Variants in NEDD4L observed in about 807,000 individuals in gnomAD.
The protein encoded by NEDD4L is NEDD4 like E3 ubiquitin protein ligase.
Under a neutral mutation model 148.9 loss-of-function variants are expected in NEDD4L, and 54 were observed. The ratio of observed to expected loss-of-function variants is 0.36; its 90% CI spans 0.29 to 0.45. NEDD4L has a LOEUF of 0.45. NEDD4L is among the 20% of genes least tolerant of loss of function. The pLI is 1.00. For synonymous variants in NEDD4L, 433 were observed against 440.7 expected (o/e 0.98, Z 0.22); for missense variants, 856 against 1,233.8 (o/e 0.69, Z 4.59).
intron 1 of NEDD4L, among the ~76,000 whole-genome samples, chr18:58,049,166 A>G (rs924268695): frequency 6.6e-6 from 1 of 152,206 alleles, no homozygotes; most frequent in Admixed American, 6.5e-5. Context: ...ATCCCCAATC[A>G]TTCAGTACTT....
chr18:58,285,067 C>T (rs1000899128), intron 5 of NEDD4L, among the ~76,000 whole-genome samples: 6 of 152,194 alleles, frequency 3.9e-5, no homozygotes, highest in Admixed American at 1.3e-4. Context: ...TAGATGCTTC[C>T]AGCAAAGGAT....
chr18:58,206,759 T>A (rs558426487), intron 2 of NEDD4L, among the ~76,000 whole-genome samples: 84 of 152,194 alleles, frequency 5.5e-4, no homozygotes, highest in Non-Finnish European at 1.1e-3. Flanking sequence ...TTGGAGGCAT[T>A]TAAGTGTGTG....
At chr18:58,314,553 CATT>C (rs1436622809) in intron 5 of NEDD4L, 1 of 152,336 alleles carries the variant, frequency 6.6e-6, no homozygotes, top group African/African-American at 2.4e-5. Flanking sequence ...GCAAGGCTGT[CATT>C]ATTCTCAAGG....
intron 24 of NEDD4L, among the ~76,000 whole-genome samples, chr18:58,381,316 G>A (rs56761990): frequency 0.029 from 4,447 of 152,218 alleles, 192 homozygotes; most frequent in African/African-American, 0.1. Flanking sequence ...ATCCCTGGGC[G>A]CTGCTTTTGG....
intron 5 of NEDD4L, among the ~76,000 whole-genome samples, chr18:58,302,803 G>A (rs924966939): frequency 1.3e-5 from 2 of 152,218 alleles, no homozygotes; most frequent in Admixed American, 1.3e-4. Context: ...GCAAGCAACA[G>A]TACCCAAGGC....
In NEDD4L at chr18:58,230,414, C is replaced by CTTT. The variant is rs66531634; in HGVS notation, c.123-15011_123-15010insTTT. On this transcript the variant is annotated intron_variant, in intron 2 of 30. Coordinates refer to ENST00000400345, the MANE Select transcript of NEDD4L (RefSeq NM_001144967.3). ...GGAAGTGAGGTTCACTGTGAAGCTT[C>CTTT]TTCTTTTTTTTTTTTTAATCATTTT... 1.8e-3 allele frequency among the ~76,000 whole-genome samples: 258 copies of CTTT among 146,192 alleles called. 5 individuals carry two copies. In the Middle Eastern group the frequency reaches 0.024, roughly 14 times the overall value.
At chr18:58,326,334 C>T (rs1303846982) in intron 9 of NEDD4L, among the ~76,000 whole-genome samples, 2 of 152,186 alleles carry the variant, frequency 1.3e-5, no homozygotes, top group Non-Finnish European at 2.9e-5. Context: ...GGCATTAGCT[C>T]AGGACAGCAA....
At chr18:58,084,680 T>G (rs1031183691) in intron 1 of NEDD4L, among the ~76,000 whole-genome samples, 2 of 149,290 alleles carry the variant, frequency 1.3e-5, no homozygotes, top group Admixed American at 6.7e-5. Flanking sequence ...TTTGTGTGTG[T>G]GTGTGTGTGT....
At chr18:58,388,634 T>C (rs972167733) in intron 27 of NEDD4L, 2 of 156,948 alleles carry the variant, frequency 1.3e-5, no homozygotes, top group African/African-American at 4.8e-5. Flanking sequence ...AGGTGATTTG[T>C]CATCACTGGA....
chr18:58,390,778 G>C (rs1232229199), intron 29 of NEDD4L, 36 bp downstream of exon 29: 1 of 1,471,836 alleles, frequency 6.8e-7, no homozygotes, highest in Non-Finnish European at 9.3e-7. Flanking sequence ...TTGTCCTCCT[G>C]GGAATTTCCA....
intron 1 of NEDD4L, among the ~76,000 whole-genome samples, chr18:58,060,448 G>A (rs915139844): frequency 1.3e-5 from 2 of 152,104 alleles, no homozygotes; most frequent in Non-Finnish European, 2.9e-5. Context: ...ATGCAGCTTT[G>A]GGGAGATTGG....
intron 21 of NEDD4L, chr18:58,367,332 A>G (rs937194857): frequency 6.0e-6 from 1 of 165,962 alleles, no homozygotes; most frequent in Non-Finnish European, 1.3e-5. Context: ...CATAGCAAAC[A>G]TCTTATGGCC....
At chr18:58,115,567 G>A (rs2085764390) in intron 1 of NEDD4L, among the ~76,000 whole-genome samples, 1 of 152,154 alleles carries the variant, frequency 6.6e-6, no homozygotes, top group Non-Finnish European at 1.5e-5. Flanking sequence ...CAGAACTCTG[G>A]TGGGGAAGGA....
intron 15 of NEDD4L, among the ~76,000 whole-genome samples, chr18:58,342,672 T>C (rs2042585609): frequency 6.6e-6 from 1 of 152,248 alleles, no homozygotes; most frequent in Non-Finnish European, 1.5e-5. Context: ...TGGTACATAC[T>C]GAGTAGCTAC....
At chr18:58,195,428 G>T (rs1254259508) in intron 2 of NEDD4L, 2 of 1,309,282 alleles carry the variant, frequency 1.5e-6, no homozygotes, top group East Asian at 9.6e-5. Context: ...CTCCCGATTC[G>T]AGAGAGGCAG....
intron 19 of NEDD4L, among the ~76,000 whole-genome samples, chr18:58,362,405 G>T (rs769241672): frequency 6.6e-6 from 1 of 152,202 alleles, no homozygotes; most frequent in Admixed American, 6.5e-5. Context: ...GCTGAGTCAC[G>T]TTTGTTCATC....
chr18:58,351,544 G>T (rs1039094931), intron 18 of NEDD4L, among the ~76,000 whole-genome samples: 1 of 152,114 alleles, frequency 6.6e-6, no homozygotes, highest in African/African-American at 2.4e-5. Flanking sequence ...GTATTTTCTG[G>T]AAATTGTAGT....
At chr18:58,225,548 G>C (rs1018987197) in intron 2 of NEDD4L, among the ~76,000 whole-genome samples, 1 of 152,210 alleles carries the variant, frequency 6.6e-6, no homozygotes, top group Admixed American at 6.5e-5. Context: ...TGTGGGCAAG[G>C]TAAAATACAG....
At chr18:58,145,603 C>G (rs2034016046) in intron 1 of NEDD4L, among the ~76,000 whole-genome samples, 1 of 151,274 alleles carries the variant, frequency 6.6e-6, no homozygotes, top group Non-Finnish European at 1.5e-5. Flanking sequence ...CCAATTTTAT[C>G]AAACCTATGG....
Sources: allele counts gnomAD v4.1 joint callset (sites outside exome capture counted in the v4.1 genomes callset), GRCh38; gene constraint gnomAD v4.1.1; transcripts MANE v1.5; gene names NCBI Gene and HGNC (gene_info 2026-07-23, HGNC 2026-07-21).